The following INO80D variants were observed in gnomAD, a reference collection of about 807,000 sequenced individuals.
INO80D encodes INO80 complex subunit D.
In INO80D, 21 loss-of-function variants were observed where a neutral mutation model predicts 87.6. The observed-to-expected ratio is 0.24, with a 90% CI of 0.17 to 0.35. The LOEUF (loss-of-function observed/expected upper bound fraction) is 0.35, where lower values mean the gene tolerates loss of function less well. INO80D is among the 10% of genes least tolerant of loss of function. The pLI, the probability that INO80D is intolerant of heterozygous loss-of-function variation, is 1.00. For missense variants in INO80D, 982 were observed against 1,280.7 expected (o/e 0.77, Z 3.56); for synonymous variants, 440 against 491.0 (o/e 0.90, Z 1.37).
At chr2:206,067,979 G>T (rs1014233931) in intron 1 of INO80D, among the ~76,000 whole-genome samples, 1 of 152,146 alleles carries the variant, frequency 6.6e-6, no homozygotes, top group Non-Finnish European at 1.5e-5. Flanking sequence ...ATTTTGTGAT[G>T]AATTCAACCT....
chr2:206,032,525 A>G (rs751764447), intron 5 of INO80D, among the ~76,000 whole-genome samples: 1 of 152,196 alleles, frequency 6.6e-6, no homozygotes, highest in Non-Finnish European at 1.5e-5. Context: ...TCATTAGGTT[A>G]TCCAAAGTTA....
chr2:206,069,196 G>A lies in INO80D; in HGVS notation c.-123-5952C>T, dbSNP rs976538327. Among the ~76,000 whole-genome samples the A allele has an allele frequency of 2.2e-4, 33 of 151,632 alleles. 1 individual carries two copies. The highest frequency in any genetic ancestry group is 7.2e-4 in the Admixed American group (11 of 15,212). ...ATACATGGATTTTTTTTCCTCCTCT[G>A]CTACCCTGACAGTAAGACCAACCCC... On this transcript the variant is annotated intron_variant, in intron 1 of 10. Coordinates refer to ENST00000403263, the MANE Select transcript of INO80D (RefSeq NM_017759.5).
At chr2:206,027,140 A>G (rs970803011) in intron 6 of INO80D, among the ~76,000 whole-genome samples, 74 of 131,740 alleles carry the variant, frequency 5.6e-4, no homozygotes, top group Non-Finnish European at 8.7e-4. Context: ...AAATTTACAC[A>G]CGCACGCGCG....
chr2:206,046,780 C>T (rs1689206845), intron 4 of INO80D, among the ~76,000 whole-genome samples, 168 bp from the exon 5 acceptor site: 1 of 152,028 alleles, frequency 6.6e-6, no homozygotes, highest in Admixed American at 6.6e-5. Flanking sequence ...CAAAGATAAT[C>T]GGTTTGTTTT....
chr2:206,049,843 A>C (rs1327204450), intron 4 of INO80D, among the ~76,000 whole-genome samples: 3 of 152,234 alleles, frequency 2.0e-5, no homozygotes, highest in Non-Finnish European at 2.9e-5. Flanking sequence ...AAAAAATTTA[A>C]AAGGGCGTCC....
intron 1 of INO80D, among the ~76,000 whole-genome samples, chr2:206,084,087 T>TA (rs1690361006): frequency 6.6e-6 from 1 of 150,528 alleles, no homozygotes; most frequent in South Asian, 2.1e-4. Flanking sequence ...TTTTTTTTTT[T>TA]AACGTTCAGA....
chr2:206,059,305 C>T (rs1689621393), intron 3 of INO80D, among the ~76,000 whole-genome samples: 1 of 152,016 alleles, frequency 6.6e-6, no homozygotes, highest in South Asian at 2.1e-4. Flanking sequence ...CCCTTGAACC[C>T]ATGAGGTAGA....
In INO80D at chr2:206,074,278, A is replaced by C. The variant is rs562878202; in HGVS notation, c.-123-11034T>G. 2.7e-4 allele frequency among the ~76,000 whole-genome samples: 41 copies of C among 152,358 alleles called. No individual in the cohort carries two copies. In the South Asian group the frequency reaches 5.0e-3, roughly 18 times the overall value. ...ATACTCAAGTCTCACTTGCTGTAGA[A>C]AAAATATTTCAACAGCAAACATAAC... On this transcript the variant is annotated intron_variant, in intron 1 of 10. Transcript: ENST00000403263.
chr2:206,072,936 C>T (rs1690014026), intron 1 of INO80D, among the ~76,000 whole-genome samples: 2 of 151,464 alleles, frequency 1.3e-5, no homozygotes, highest in South Asian at 4.2e-4. Context: ...CTCCTGGGCT[C>T]AATTGATCCT....
At chr2:206,073,180 G>GTTC (rs1340884675) in intron 1 of INO80D, among the ~76,000 whole-genome samples, 1 of 152,080 alleles carries the variant, frequency 6.6e-6, no homozygotes, top group Admixed American at 6.6e-5. Context: ...CAAAATCACT[G>GTTC]TTCTGTAAAC....
At chr2:206,046,417 G>A (rs1449603926) in intron 5 of INO80D, 87 bp downstream of exon 5, 1 of 873,936 alleles carries the variant, frequency 1.1e-6, no homozygotes, top group African/African-American at 1.7e-5. Context: ...GCAGTAAGCT[G>A]AGATCACACC....
At position 206,085,085 on chromosome 2, in the gene INO80D, T is replaced by G. The variant is rs1330150388; in HGVS notation, c.-124+816A>C. Reference sequence around the variant, plus strand: ...CAGGAACTGGCAAAGAGTTTCAAAATAGCCGAGTGCGCTCCCCCACGCCCT... The same window carrying G: ...CAGGAACTGGCAAAGAGTTTCAAAAGAGCCGAGTGCGCTCCCCCACGCCCT... On this transcript the variant is annotated intron_variant, in intron 1 of 10. Coordinates refer to ENST00000403263, the MANE Select transcript of INO80D (RefSeq NM_017759.5). This position sits in a 1 kb window ranked among gnomAD's most constrained non-coding sequence, Gnocchi z 4.5. Among the ~76,000 whole-genome samples the G allele has an allele frequency of 6.6e-6, 1 of 151,782 alleles. No homozygotes were observed. The highest frequency in any genetic ancestry group is 1.5e-5 in the Non-Finnish European group (1 of 67,950).
intron 8 of INO80D, among the ~76,000 whole-genome samples, chr2:206,014,924 AAGG>A (rs1358413788): frequency 6.6e-6 from 1 of 152,190 alleles, no homozygotes; most frequent in Non-Finnish European, 1.5e-5. Context: ...GTGGTCTCAG[AAGG>A]AGATGAGGAA....
At chr2:206,019,606 T>C in intron 7 of INO80D, 130 bp downstream of exon 7, 1 of 646,834 alleles carries the variant, frequency 1.5e-6, no homozygotes, top group Non-Finnish European at 2.5e-6. Context: ...AAAATTATGT[T>C]CGATAAAATT....
In INO80D at chr2:206,056,264, G is replaced by A. The variant is rs1689515289; in HGVS notation, c.898C>T (p.Leu300=). 1.2e-6 allele frequency: 2 copies of A among 1,613,532 alleles called. No individual in the cohort carries two copies. Among genetic ancestry groups the A allele is most frequent in the Non-Finnish European group, 1.7e-6 (2 of 1,179,700 alleles). Residue 300 remains leucine, a synonymous_variant, in exon 4 of 11, where the codon CTG becomes TTG. Transcript: ENST00000403263. ...GTGCACAGTTTCACCAGTCTCTGCAGTCGGCTTATACATGAGAAGTGTGGA... is the reference window on the plus strand; with the variant it reads ...GTGCACAGTTTCACCAGTCTCTGCAATCGGCTTATACATGAGAAGTGTGGA... The part of the protein sequence containing the change: ...FSPHFSCISR[L]QRLVKLCTQK...
chr2:206,077,009 C>G (rs1168029935), intron 1 of INO80D, among the ~76,000 whole-genome samples: 1 of 152,164 alleles, frequency 6.6e-6, no homozygotes, highest in Non-Finnish European at 1.5e-5. Context: ...CGCGGTGGCT[C>G]ACGCCTGTAA....
In INO80D at chr2:206,028,884, G is replaced by T. The variant is rs530568176; in HGVS notation, c.1074-549C>A. ...TAATTCTACCATGTATTTTTGTTTTGTTTTTTTGTTTTTTTTTTTTGGAGA... is the reference window on the plus strand; with the variant it reads ...TAATTCTACCATGTATTTTTGTTTTTTTTTTTTGTTTTTTTTTTTTGGAGA... On this transcript the variant is annotated intron_variant, in intron 5 of 10. Transcript: ENST00000403263. Among the ~76,000 whole-genome samples the T allele has an allele frequency of 2.8e-4, 42 of 149,690 alleles. 1 individual carries two copies. The South Asian group carries it at 6.6e-3, about 23-fold the overall frequency.
At chr2:206,046,481 T>G in intron 5 of INO80D, 23 bp downstream of exon 5, 1 of 1,470,952 alleles carries the variant, frequency 6.8e-7, no homozygotes, top group East Asian at 2.3e-5. Context: ...AAAAAAAGAA[T>G]AAAAACAGAA....
intron 5 of INO80D, among the ~76,000 whole-genome samples, chr2:206,034,423 G>A (rs1298272918): frequency 6.6e-6 from 1 of 152,138 alleles, no homozygotes; most frequent in Non-Finnish European, 1.5e-5. Flanking sequence ...TACCAGGGAT[G>A]CAGAGATGGT....
Sources: gnomAD v4.1 joint callset for allele counts (sites outside exome capture counted in the v4.1 genomes callset) on GRCh38, gnomAD v4.1.1 for gene constraint, Gnocchi (gnomAD v3.1) non-coding constraint, MANE v1.5 for transcripts, NCBI Gene and HGNC (gene_info 2026-07-23, HGNC 2026-07-21) for gene names.